PARM1: variants seen among roughly 807,000 people sequenced by gnomAD.
PARM1 encodes the protein prostate androgen-regulated mucin-like protein 1.
PARM1 carries 14 observed loss-of-function variants against 24.6 expected under a neutral mutation model. That is an observed-to-expected ratio of 0.57 (90% CI 0.38 to 0.89). PARM1 has a LOEUF of 0.89. PARM1 is among the 40% of genes least tolerant of loss of function. The pLI is 0.00. For synonymous variants in PARM1, 179 were observed against 156.6 expected (o/e 1.14, Z -1.07); for missense variants, 362 against 380.4 (o/e 0.95, Z 0.40).
chr4:74,983,106 A>C (rs1282957580), intron 1 of PARM1, among the ~76,000 whole-genome samples: 1 of 152,218 alleles, frequency 6.6e-6, no homozygotes, highest in African/African-American at 2.4e-5. Context: ...AATTAGAGGA[A>C]CTGATTACAA....
chr4:75,020,573 G>T (rs1184356675), intron 2 of PARM1, among the ~76,000 whole-genome samples: 1 of 151,746 alleles, frequency 6.6e-6, no homozygotes, highest in Non-Finnish European at 1.5e-5. Flanking sequence ...TCTGATCAAG[G>T]CTCACATAAC....
At chr4:74,989,457 A>G (rs1174651025) in intron 1 of PARM1, among the ~76,000 whole-genome samples, 1 of 152,204 alleles carries the variant, frequency 6.6e-6, no homozygotes, top group African/African-American at 2.4e-5. Flanking sequence ...CAGCCAAATA[A>G]AGAGACGAAT....
chr4:74,955,349 T>G (rs1449490017), intron 1 of PARM1, among the ~76,000 whole-genome samples: 1 of 152,234 alleles, frequency 6.6e-6, no homozygotes, highest in East Asian at 1.9e-4. Context: ...ATCATTAGTG[T>G]CTGCTCTTCT....
intron 2 of PARM1, among the ~76,000 whole-genome samples, chr4:75,031,912 G>C (rs191863534): frequency 6.6e-6 from 1 of 152,258 alleles, no homozygotes; most frequent in African/African-American, 2.4e-5. Context: ...GCTATTACAA[G>C]GCTTCAGTGA....
At chr4:74,937,692 G>A (rs1036250974) in intron 1 of PARM1, among the ~76,000 whole-genome samples, 6 of 152,174 alleles carry the variant, frequency 3.9e-5, no homozygotes, top group South Asian at 4.1e-4. Context: ...TTTTATTAAT[G>A]AAGTGTACTA....
chr4:74,993,968 CA>C (rs1256486791), intron 1 of PARM1: 1 of 151,942 alleles, frequency 6.6e-6, no homozygotes, highest in Non-Finnish European at 1.5e-5. Flanking sequence ...TAGAAGTTTA[CA>C]AAAGAGAAAG....
intron 2 of PARM1, among the ~76,000 whole-genome samples, chr4:75,015,291 T>C (rs1424952098): frequency 6.6e-6 from 1 of 152,190 alleles, no homozygotes; most frequent in Non-Finnish European, 1.5e-5. Flanking sequence ...TTTCCTCAAC[T>C]CTAGGCCAGC....
chr4:75,002,557 G>T (rs980011035), intron 1 of PARM1, among the ~76,000 whole-genome samples: 6 of 152,152 alleles, frequency 3.9e-5, no homozygotes, highest in Non-Finnish European at 7.4e-5. Flanking sequence ...GCAGGCACAG[G>T]AGTGAGGATA....
chr4:74,968,163 T>C (rs915238326), intron 1 of PARM1, among the ~76,000 whole-genome samples: 1 of 152,216 alleles, frequency 6.6e-6, no homozygotes, highest in Non-Finnish European at 1.5e-5. Flanking sequence ...TTTATAGAAC[T>C]TGATCCTATT....
At chr4:75,013,860 T>C (rs996751807) in intron 2 of PARM1, among the ~76,000 whole-genome samples, 4 of 152,232 alleles carry the variant, frequency 2.6e-5, no homozygotes, top group Admixed American at 2.6e-4. Flanking sequence ...TTGGAAATTA[T>C]GGTGGAGAGA....
rs535484636 is a variant in PARM1, at chr4:75,028,513, C to T, written c.770-5370C>T. ...CTGGACCAGGAAGTGGAAAGAAAAG[C>T]GCAAGAATATTGAAAAACAGTCAAG... On this transcript the variant is annotated intron_variant, in intron 2 of 3. Transcript: ENST00000307428. 1.1e-4 allele frequency among the ~76,000 whole-genome samples: 16 copies of T among 152,294 alleles called. No homozygotes were observed. The South Asian group carries it at 1.9e-3, about 18-fold the overall frequency.
intron 1 of PARM1, among the ~76,000 whole-genome samples, chr4:74,982,258 C>G (rs1722271892): frequency 6.6e-6 from 1 of 152,026 alleles, no homozygotes; most frequent in Non-Finnish European, 1.5e-5. Context: ...AACACATAGA[C>G]ACAGGGAGGG....
In PARM1 at chr4:75,013,030, C is replaced by T. The variant is rs1418684140; in HGVS notation, c.649C>T (p.Gln217Ter). Residue 217 changes from glutamine (Q) to a stop codon, truncating the protein, a stop_gained, in exon 2 of 4, where the codon CAG (glutamine) becomes TAG (stop). Transcript: ENST00000307428. LOFTEE classifies it high-confidence loss of function. ...TSHATAEPVPQEKTPPTTVSG... is the reference protein window; with the variant it reads ...TSHATAEPVP The stretch of plus-strand genomic sequence containing the variant: ...ACATGCCACAGCTGAGCCAGTACCC[C>T]AGGAGAAAACACCCCCAACAACTGT... The T allele has an allele frequency of 5.0e-6, 8 of 1,613,862 alleles. No homozygotes were observed. The highest frequency in any genetic ancestry group is 5.1e-6 in the Non-Finnish European group (6 of 1,179,894).
chr4:74,946,343 C>G (rs1721413369), intron 1 of PARM1, among the ~76,000 whole-genome samples: 1 of 152,210 alleles, frequency 6.6e-6, no homozygotes, highest in South Asian at 2.1e-4. Flanking sequence ...TGATTCTCTT[C>G]CCCATCCCCA....
At chr4:75,004,617 A>G (rs1331592487) in intron 1 of PARM1, among the ~76,000 whole-genome samples, 1 of 152,182 alleles carries the variant, frequency 6.6e-6, no homozygotes, top group Non-Finnish European at 1.5e-5. Context: ...GGTAAACTGG[A>G]GAGACTGTGA....
intron 1 of PARM1, 26 bp downstream of exon 1, chr4:74,933,396 G>C (rs760047004): frequency 6.2e-7 from 1 of 1,609,814 alleles, no homozygotes; most frequent in Non-Finnish European, 8.5e-7. Context: ...CTCCCGGAAG[G>C]GCAGGTCGCG....
intron 1 of PARM1, among the ~76,000 whole-genome samples, chr4:75,009,563 T>G (rs940278060): frequency 1.3e-5 from 2 of 152,264 alleles, no homozygotes; most frequent in African/African-American, 4.8e-5. Flanking sequence ...TTAAAATGAG[T>G]GAAGCTGATC....
At chr4:75,011,512 G>A (rs1321043407) in intron 1 of PARM1, among the ~76,000 whole-genome samples, 2 of 152,150 alleles carry the variant, frequency 1.3e-5, no homozygotes, top group Non-Finnish European at 1.5e-5. Flanking sequence ...CAAGATATGT[G>A]TTACCTAAAA....
At chr4:74,979,279 G>T (rs1466509139) in intron 1 of PARM1, among the ~76,000 whole-genome samples, 1 of 151,846 alleles carries the variant, frequency 6.6e-6, no homozygotes, top group Non-Finnish European at 1.5e-5. Flanking sequence ...ATGATAAAGG[G>T]GATATCGCCA....
Sources: gnomAD v4.1 joint callset for allele counts (sites outside exome capture counted in the v4.1 genomes callset) on GRCh38, gnomAD v4.1.1 for gene constraint, MANE v1.5 for transcripts, NCBI Gene and HGNC (gene_info 2026-07-23, HGNC 2026-07-21) for gene names.